LRRC4C: variants seen among roughly 807,000 people sequenced by gnomAD.
The protein encoded by LRRC4C is leucine rich repeat containing 4C.
In LRRC4C, 5 loss-of-function variants were observed where a neutral mutation model predicts 33.6. The observed-to-expected ratio is 0.15, with a 90% CI of 0.08 to 0.31. LRRC4C has a LOEUF of 0.31. Among genes scored for constraint, LRRC4C ranks in the 10% least tolerant of loss-of-function variants. LRRC4C has a pLI of 1.00. For synonymous variants in LRRC4C, 329 were observed against 302.0 expected, an observed-to-expected ratio of 1.09 and a Z score of -0.93; for missense variants, 560 against 796.7, an observed-to-expected ratio of 0.70 and a Z score of 3.58.
intron 3 of LRRC4C, among the ~76,000 whole-genome samples, chr11:40,483,322 G>A (rs1358320240): frequency 6.6e-6 from 1 of 152,026 alleles, no homozygotes. Context: ...ATTATCCAGG[G>A]GCTAAAAATA....
intron 6 of LRRC4C, among the ~76,000 whole-genome samples, chr11:40,122,245 T>C (rs1233567636): frequency 6.6e-6 from 1 of 152,184 alleles, no homozygotes; most frequent in African/African-American, 2.4e-5. Flanking sequence ...CCAATTCTTT[T>C]TTTTAAATTA....
At chr11:41,401,360 T>G (rs532330501) in intron 1 of LRRC4C, among the ~76,000 whole-genome samples, 1 of 152,018 alleles carries the variant, frequency 6.6e-6, no homozygotes, top group South Asian at 2.1e-4. Context: ...AAAGTTCTAT[T>G]GGATGGTTGT....
chr11:40,429,342 A>G (rs924690129), intron 3 of LRRC4C, among the ~76,000 whole-genome samples: 2 of 152,148 alleles, frequency 1.3e-5, no homozygotes, highest in African/African-American at 2.4e-5. Context: ...CCAAAATGCT[A>G]GGATTACAGG....
At chr11:41,097,440 A>C (rs1230324331) in intron 1 of LRRC4C, among the ~76,000 whole-genome samples, 1 of 152,150 alleles carries the variant, frequency 6.6e-6, no homozygotes, top group Admixed American at 6.6e-5. Context: ...CTAACATTAG[A>C]CATTTGAACA....
intron 2 of LRRC4C, among the ~76,000 whole-genome samples, chr11:40,825,237 A>G (rs1482645844): frequency 6.6e-6 from 1 of 151,972 alleles, no homozygotes; most frequent in Non-Finnish European, 1.5e-5. Flanking sequence ...TACAAATTCT[A>G]CCTAAGTGTG....
chr11:40,434,188 T>C (rs1951049759), intron 3 of LRRC4C, among the ~76,000 whole-genome samples: 1 of 152,192 alleles, frequency 6.6e-6, no homozygotes, highest in Non-Finnish European at 1.5e-5. Flanking sequence ...ATACTTGCCA[T>C]TTAGGGTTAG....
intron 5 of LRRC4C, among the ~76,000 whole-genome samples, chr11:40,176,686 G>A (rs1293662339): frequency 6.6e-6 from 1 of 151,860 alleles, no homozygotes; most frequent in African/African-American, 2.4e-5. Context: ...TACTGCAGGT[G>A]CACATGACCA....
chr11:41,258,979 A>C (rs935185265), intron 1 of LRRC4C, among the ~76,000 whole-genome samples: 1 of 152,100 alleles, frequency 6.6e-6, no homozygotes, highest in Non-Finnish European at 1.5e-5. Flanking sequence ...ATGGCTTAGA[A>C]GTTTCAGCTC....
At chr11:40,761,147 T>C (rs1404876846) in intron 2 of LRRC4C, among the ~76,000 whole-genome samples, 3 of 151,998 alleles carry the variant, frequency 2.0e-5, no homozygotes, top group Non-Finnish European at 4.4e-5. Context: ...GTGGAGAACA[T>C]ATAGTGTTCG....
chr11:40,765,209 T>C (rs1949393442), intron 2 of LRRC4C, among the ~76,000 whole-genome samples: 1 of 152,096 alleles, frequency 6.6e-6, no homozygotes, highest in Non-Finnish European at 1.5e-5. Context: ...AGTGATTAGA[T>C]CATGGGGGGA....
chr11:41,404,563 C>CACACA (rs1555166456), intron 1 of LRRC4C, among the ~76,000 whole-genome samples: 1 of 80,088 alleles, frequency 1.2e-5, no homozygotes, highest in African/African-American at 5.6e-5. Context: ...CACACACACA[C>CACACA]CCCCCGAGGT....
intron 1 of LRRC4C, among the ~76,000 whole-genome samples, chr11:41,337,820 G>C (rs1273042323): frequency 2.6e-5 from 4 of 151,804 alleles, no homozygotes; most frequent in Admixed American, 2.6e-4. Context: ...AATTTAGAAG[G>C]AACTTAAACA....
intron 3 of LRRC4C, among the ~76,000 whole-genome samples, chr11:40,417,111 G>C (rs181539334): frequency 3.0e-3 from 459 of 152,322 alleles, no homozygotes; most frequent in Non-Finnish European, 4.3e-3. Flanking sequence ...GCAAGAGATA[G>C]ACTTTGTTTC....
intron 1 of LRRC4C, among the ~76,000 whole-genome samples, chr11:41,228,672 A>G (rs1947650561): frequency 6.6e-6 from 1 of 152,142 alleles, no homozygotes; most frequent in Non-Finnish European, 1.5e-5. Flanking sequence ...GCAAATAACA[A>G]ACTAGTGTAT....
At chr11:41,135,268 G>C (rs1484900505) in intron 1 of LRRC4C, among the ~76,000 whole-genome samples, 2 of 152,022 alleles carry the variant, frequency 1.3e-5, no homozygotes, top group African/African-American at 2.4e-5. Flanking sequence ...TGTCTTTCAG[G>C]CTTCAGCAAT....
intron 1 of LRRC4C, among the ~76,000 whole-genome samples, chr11:41,005,660 G>GCT (rs915152902): frequency 9.9e-5 from 15 of 151,574 alleles, no homozygotes; most frequent in Admixed American, 2.6e-4. Flanking sequence ...TCTCTGTCTT[G>GCT]CTCTCTCTCT....
intron 2 of LRRC4C, among the ~76,000 whole-genome samples, chr11:40,909,841 G>T (rs543041963): frequency 3.5e-4 from 54 of 152,206 alleles, no homozygotes; most frequent in Admixed American, 1.2e-3. Context: ...AAAGGTTAAT[G>T]CTTTGCCTAA....
intron 5 of LRRC4C, among the ~76,000 whole-genome samples, chr11:40,218,159 G>GT (rs1344141901): frequency 6.6e-6 from 1 of 152,088 alleles, no homozygotes; most frequent in Admixed American, 6.6e-5. Context: ...TATAACTAAT[G>GT]TTTTTTATCC....
At chr11:40,217,323 T>A (rs1217324410) in intron 5 of LRRC4C, among the ~76,000 whole-genome samples, 1 of 152,098 alleles carries the variant, frequency 6.6e-6, no homozygotes, top group African/African-American at 2.4e-5. Flanking sequence ...TAATAAACTT[T>A]AGTAAGAAAT....
Sources: allele counts gnomAD v4.1 joint callset (sites outside exome capture counted in the v4.1 genomes callset), GRCh38; gene constraint gnomAD v4.1.1; transcripts MANE v1.5; gene names NCBI Gene and HGNC (gene_info 2026-07-23, HGNC 2026-07-21).